Variants in SPEF2 observed in about 807,000 individuals in gnomAD.
SPEF2 encodes the protein sperm flagella and cilia-associated protein 2.
SPEF2 carries 187 observed loss-of-function variants against 224.6 expected under a neutral mutation model. The observed-to-expected ratio is 0.83, with a 90% confidence interval of 0.74 to 0.94. The LOEUF (loss-of-function observed/expected upper bound fraction) is 0.94, where lower values mean the gene tolerates loss of function less well. Ranked by LOEUF, SPEF2 falls within the 40% of genes least tolerant of loss-of-function variation. The pLI, the probability that SPEF2 is intolerant of heterozygous loss-of-function variation, is 0.00. For missense variants in SPEF2, 2,170 were observed against 2,135.6 expected, an observed-to-expected ratio of 1.02 and a Z score of -0.32; for synonymous variants, 715 against 707.3, an observed-to-expected ratio of 1.01 and a Z score of -0.17.
rs202217262 is a variant in SPEF2 at position 35,789,311 on chromosome 5, T to C, written c.4448-3029T>C. ...CTGTGTCAATAAGAATAGAAATTCCTCAATTGCTGACATATTTGCCACTTT... is the reference window on the plus strand; with the variant it reads ...CTGTGTCAATAAGAATAGAAATTCCCCAATTGCTGACATATTTGCCACTTT... On this transcript the variant is annotated intron_variant, in intron 30 of 36. Coordinates refer to ENST00000356031, the MANE Select transcript of SPEF2 (RefSeq NM_024867.4). The C allele has an allele frequency of 1.1e-4, 79 of 703,442 alleles. 1 individual carries two copies. The highest frequency in any genetic ancestry group is 1.8e-4 in the Non-Finnish European group (71 of 385,068). 43.6% of individuals were successfully genotyped at this position (703,442 alleles called of 1,614,324 possible).
chr5:35,641,748 T>C, intron 3 of SPEF2, 65 bp downstream of exon 3: 2 of 1,521,602 alleles, frequency 1.3e-6, no homozygotes, highest in Non-Finnish European at 1.8e-6. Context: ...GAAATGACAA[T>C]GATATTGAAT....
intron 13 of SPEF2, among the ~76,000 whole-genome samples, chr5:35,694,731 G>A (rs57159443): frequency 0.013 from 1,971 of 152,212 alleles, 54 homozygotes; most frequent in African/African-American, 0.046. Context: ...GGCTTTCTAC[G>A]TGCTCCTGCT....
chr5:35,764,514 G>A, intron 26 of SPEF2: 1 of 453,978 alleles, frequency 2.2e-6, no homozygotes, highest in South Asian at 1.6e-5. Context: ...TAACTCAGGT[G>A]ATCAATTGCT....
At chr5:35,802,367 C>G (rs1181585170) in intron 34 of SPEF2, among the ~76,000 whole-genome samples, 1 of 152,224 alleles carries the variant, frequency 6.6e-6, no homozygotes, top group Non-Finnish European at 1.5e-5. Context: ...CACACATTCA[C>G]TGCTTCCACA....
intron 25 of SPEF2, among the ~76,000 whole-genome samples, chr5:35,760,391 A>G (rs979220849): frequency 6.6e-6 from 1 of 151,958 alleles, no homozygotes; most frequent in African/African-American, 2.4e-5. Context: ...TGAACCTCTA[A>G]CACTTTTATG....
At chr5:35,771,536 A>G in intron 26 of SPEF2, 73 bp from the exon 27 acceptor site, 1 of 1,533,774 alleles carries the variant, frequency 6.5e-7, no homozygotes. Flanking sequence ...AGAATTTAGT[A>G]ATGACTACAT....
chr5:35,786,713 G>A (rs1025804063), intron 30 of SPEF2, among the ~76,000 whole-genome samples: 2 of 151,958 alleles, frequency 1.3e-5, no homozygotes, highest in Non-Finnish European at 2.9e-5. Flanking sequence ...AGGTATGAAA[G>A]GCAGAGGCAG....
intron 3 of SPEF2, chr5:35,643,658 A>G (rs1339152845): frequency 7.3e-6 from 3 of 413,042 alleles, no homozygotes; most frequent in African/African-American, 6.2e-5. Context: ...GGAAAGAAGT[A>G]GAGATGCCAT....
chr5:35,718,882 G>C (rs1743107678), intron 20 of SPEF2, among the ~76,000 whole-genome samples: 1 of 152,062 alleles, frequency 6.6e-6, no homozygotes, highest in South Asian at 2.1e-4. Context: ...ATTGAGTTTG[G>C]GACAAAAATG....
chr5:35,656,859 G>T (rs1172722795), intron 7 of SPEF2, among the ~76,000 whole-genome samples: 6 of 152,150 alleles, frequency 3.9e-5, no homozygotes, highest in African/African-American at 7.2e-5. Context: ...CTGTGTGTGG[G>T]TGAGCTGCTA....
At chr5:35,729,197 A>C (rs1745198864) in intron 21 of SPEF2, among the ~76,000 whole-genome samples, 1 of 152,192 alleles carries the variant, frequency 6.6e-6, no homozygotes, top group African/African-American at 2.4e-5. Context: ...AAGACTATTT[A>C]CACATGTGAA....
chr5:35,657,662 G>A lies in SPEF2; in HGVS notation c.979-1357G>A, dbSNP rs1030696164. On this transcript the variant is annotated intron_variant, in intron 7 of 36. Transcript: ENST00000356031. ...ATGGGGAAATATGGGGAGAGGACCAGGTCTGAAGGGGAGTTAGTGAGTTTA... is the reference window on the plus strand; with the variant it reads ...ATGGGGAAATATGGGGAGAGGACCAAGTCTGAAGGGGAGTTAGTGAGTTTA... 4.6e-5 allele frequency among the ~76,000 whole-genome samples: 7 copies of A among 152,058 alleles called. 1 individual carries two copies. Among genetic ancestry groups the A allele is most frequent in the Admixed American group, 4.6e-4 (7 of 15,246 alleles).
intron 21 of SPEF2, among the ~76,000 whole-genome samples, chr5:35,738,405 G>C (rs2149686043): frequency 6.6e-6 from 1 of 151,582 alleles, no homozygotes; most frequent in South Asian, 2.1e-4. Flanking sequence ...GTGTAAGGAA[G>C]GGATCCAGTT....
At chr5:35,633,137 T>C (rs1745361892) in intron 2 of SPEF2, 1 of 152,192 alleles carries the variant, frequency 6.6e-6, no homozygotes, top group African/African-American at 2.4e-5. Flanking sequence ...TGTATAGATA[T>C]CTGTGAGGTC....
chr5:35,647,567 G>A (rs1171800927), intron 5 of SPEF2, among the ~76,000 whole-genome samples: 1 of 152,062 alleles, frequency 6.6e-6, no homozygotes, highest in African/African-American at 2.4e-5. Flanking sequence ...ATGATCCACC[G>A]CCATGACCCG....
intron 2 of SPEF2, among the ~76,000 whole-genome samples, chr5:35,631,336 C>T (rs1285749806): frequency 6.6e-6 from 1 of 152,178 alleles, no homozygotes; most frequent in African/African-American, 2.4e-5. Flanking sequence ...ATGGGAGCTA[C>T]AAGTTGAGAT....
intron 8 of SPEF2, among the ~76,000 whole-genome samples, chr5:35,666,331 A>G (rs1455227194): frequency 1.3e-5 from 2 of 152,176 alleles, no homozygotes; most frequent in Non-Finnish European, 2.9e-5. Context: ...GTATTATGTT[A>G]TCCTCAGCTT....
intron 11 of SPEF2, 72 bp downstream of exon 11, chr5:35,691,328 T>G (rs1754451013): frequency 8.1e-7 from 1 of 1,229,846 alleles, no homozygotes; most frequent in Non-Finnish European, 1.2e-6. Context: ...AATGTCTATG[T>G]GTATAAAAAA....
At chr5:35,690,428 C>G (rs371131296) in intron 10 of SPEF2, among the ~76,000 whole-genome samples, 36 of 152,250 alleles carry the variant, frequency 2.4e-4, no homozygotes, top group African/African-American at 8.2e-4. Context: ...TCAATTTACT[C>G]TTTCATACAA....
Sources: gnomAD v4.1 joint callset for allele counts (sites outside exome capture counted in the v4.1 genomes callset) on GRCh38, gnomAD v4.1.1 for gene constraint, MANE v1.5 for transcripts, NCBI Gene and HGNC (gene_info 2026-07-23, HGNC 2026-07-21) for gene names.